Variants in PTPRD observed in about 807,000 individuals in gnomAD.
The protein encoded by PTPRD is protein tyrosine phosphatase receptor type D, also known as receptor-type tyrosine-protein phosphatase delta.
A neutral mutation model predicts 214.5 loss-of-function variants in PTPRD; 34 were observed. The ratio of observed to expected loss-of-function variants is 0.16; its 90% CI spans 0.12 to 0.21. The LOEUF is 0.21. Among genes scored for constraint, PTPRD ranks in the 10% least tolerant of loss-of-function variants. The pLI, the probability that PTPRD is intolerant of heterozygous loss-of-function variation, is 1.00. For missense variants in PTPRD, 2,545 were observed against 2,398.7 expected, an observed-to-expected ratio of 1.06 and a Z score of -1.27; for synonymous variants, 1,128 against 845.7, an observed-to-expected ratio of 1.33 and a Z score of -5.79.
intron 12 of PTPRD, among the ~76,000 whole-genome samples, chr9:8,646,270 C>T (rs1595985355): frequency 6.6e-6 from 1 of 152,188 alleles, no homozygotes; most frequent in Admixed American, 6.5e-5. Context: ...CAATATTACA[C>T]TTTACTATGG....
At chr9:9,114,407 A>AG (rs1156639640) in intron 10 of PTPRD, among the ~76,000 whole-genome samples, 1 of 152,188 alleles carries the variant, frequency 6.6e-6, no homozygotes, top group African/African-American at 2.4e-5. Flanking sequence ...AATCCTATTC[A>AG]GGGCTTGTAC....
intron 11 of PTPRD, among the ~76,000 whole-genome samples, chr9:8,820,815 AT>A (rs1481050434): frequency 6.6e-6 from 1 of 152,062 alleles, no homozygotes; most frequent in Non-Finnish European, 1.5e-5. Flanking sequence ...ATACCTCTAT[AT>A]TATGTTCCAC....
intron 3 of PTPRD, among the ~76,000 whole-genome samples, chr9:10,172,941 A>ACTTTT (rs140735397): frequency 0.1 from 15,941 of 152,192 alleles, 1,084 homozygotes; most frequent in South Asian, 0.2. Context: ...AACTTAAATA[A>ACTTTT]AACTAATAGT....
Position 9,759,933 on chromosome 9 carries a change from A to G in PTPRD, c.-326+6877T>C, listed in dbSNP as rs554698116. On this transcript the variant is annotated intron_variant, in intron 6 of 45. Transcript: ENST00000381196. ...TAAACAAATATGCTCTATTCTTTCT[A>G]TAATTTCAAATATATCTTTCTTTCC... Among the ~76,000 whole-genome samples, 399 of 152,210 alleles carry G rather than the reference A, an allele frequency of 2.6e-3. 2 individuals carry two copies. The highest frequency in any genetic ancestry group is 9.1e-3 in the African/African-American group (377 of 41,546).
At chr9:8,890,078 T>C (rs1281684265) in intron 11 of PTPRD, among the ~76,000 whole-genome samples, 1 of 152,226 alleles carries the variant, frequency 6.6e-6, no homozygotes, top group Non-Finnish European at 1.5e-5. Context: ...TTCCCTCCAG[T>C]AGTGTAAAAG....
intron 3 of PTPRD, among the ~76,000 whole-genome samples, chr9:10,289,837 T>C (rs900066656): frequency 2.0e-5 from 3 of 152,116 alleles, no homozygotes; most frequent in African/African-American, 7.2e-5. Flanking sequence ...AAGAATAGAA[T>C]AAAATGTATG....
intron 5 of PTPRD, among the ~76,000 whole-genome samples, chr9:9,786,040 A>C (rs909519494): frequency 1.3e-5 from 2 of 152,198 alleles, no homozygotes; most frequent in Non-Finnish European, 2.9e-5. Flanking sequence ...AATGATGAGA[A>C]TATATTACTT....
chr9:8,601,174 G>A (rs570263660), intron 14 of PTPRD, among the ~76,000 whole-genome samples: 13 of 152,282 alleles, frequency 8.5e-5, no homozygotes, highest in South Asian at 2.1e-4. Context: ...AAAGGGGACC[G>A]AAGAGTGAGA....
chr9:9,555,642 T>C (rs1241810470), intron 8 of PTPRD, among the ~76,000 whole-genome samples: 1 of 152,150 alleles, frequency 6.6e-6, no homozygotes, highest in Non-Finnish European at 1.5e-5. Flanking sequence ...TTCAATATGT[T>C]GTAAATCTAG....
In PTPRD at chr9:9,626,526, T is replaced by C. The variant is rs188208687; in HGVS notation, c.-286-51745A>G. On this transcript the variant is annotated intron_variant, in intron 7 of 45. Coordinates refer to ENST00000381196, the MANE Select transcript of PTPRD (RefSeq NM_002839.4). ...TGTGTTGGCACTTTTAGTTGAATGA[T>C]TTGATTAAAAATGGAAAAAGAAGAG... Among the ~76,000 whole-genome samples, 13 of 152,174 alleles carry C rather than the reference T, an allele frequency of 8.5e-5. No homozygotes were observed. In the East Asian group the frequency reaches 2.5e-3, roughly 29 times the overall value.
intron 11 of PTPRD, among the ~76,000 whole-genome samples, chr9:8,956,213 G>A (rs2099130915): frequency 6.6e-6 from 1 of 151,758 alleles, no homozygotes; most frequent in Admixed American, 6.6e-5. Flanking sequence ...TATTTTTCTT[G>A]AAGAATACAG....
Position 10,037,110 on chromosome 9 carries a change from C to T in PTPRD, c.-544-3320G>A, listed in dbSNP as rs543299040. ...TTCACTATGTTGCCCAGAATGGTCT[C>T]GGACTCCTGGACTCAAGCAGTCCTT... On this transcript the variant is annotated intron_variant, in intron 3 of 45. Transcript: ENST00000381196. Among the ~76,000 whole-genome samples the T allele has an allele frequency of 1.1e-4, 16 of 151,990 alleles. 1 individual carries two copies. The South Asian group carries it at 1.2e-3, about 12-fold the overall frequency.
chr9:9,437,342 A>T (rs1325283366), intron 8 of PTPRD, among the ~76,000 whole-genome samples: 1 of 152,192 alleles, frequency 6.6e-6, no homozygotes, highest in Non-Finnish European at 1.5e-5. Context: ...TCACAAAATA[A>T]GCTGAATATA....
At chr9:9,300,297 G>T (rs886098722) in intron 9 of PTPRD, among the ~76,000 whole-genome samples, 4 of 151,492 alleles carry the variant, frequency 2.6e-5, no homozygotes, top group Non-Finnish European at 5.9e-5. Context: ...GAACTAATTT[G>T]TATACACTAT....
At chr9:9,385,734 T>C (rs1343790121) in intron 9 of PTPRD, among the ~76,000 whole-genome samples, 1 of 152,196 alleles carries the variant, frequency 6.6e-6, no homozygotes, top group South Asian at 2.1e-4. Context: ...ATGTATTTAA[T>C]ATACATTAAC....
intron 11 of PTPRD, among the ~76,000 whole-genome samples, chr9:8,918,887 G>C (rs1294312340): frequency 6.6e-6 from 1 of 152,042 alleles, no homozygotes; most frequent in Non-Finnish European, 1.5e-5. Flanking sequence ...CATATTTGTT[G>C]CTTTTTGTTT....
At chr9:8,354,321 T>C (rs531353692) in intron 39 of PTPRD, among the ~76,000 whole-genome samples, 2 of 152,158 alleles carry the variant, frequency 1.3e-5, no homozygotes, top group Non-Finnish European at 2.9e-5. Context: ...AAAAACTTTA[T>C]GTAACACATT....
chr9:10,075,094 G>A (rs906860065), intron 3 of PTPRD, among the ~76,000 whole-genome samples: 2 of 151,952 alleles, frequency 1.3e-5, no homozygotes, highest in African/African-American at 2.4e-5. Flanking sequence ...TATTGATATG[G>A]GCATCACATG....
At chr9:8,458,705 C>G (rs1400331676) in intron 33 of PTPRD, among the ~76,000 whole-genome samples, 2 of 152,050 alleles carry the variant, frequency 1.3e-5, no homozygotes, top group African/African-American at 4.8e-5. Context: ...CTCATGCTTC[C>G]TGCCCTTATC....
Sources: gnomAD v4.1 joint callset for allele counts (sites outside exome capture counted in the v4.1 genomes callset) on GRCh38, gnomAD v4.1.1 for gene constraint, MANE v1.5 for transcripts, NCBI Gene and HGNC (gene_info 2026-07-23, HGNC 2026-07-21) for gene names.